Variants in CSMD1 observed in about 807,000 individuals in gnomAD.
CSMD1 encodes the protein CUB and sushi domain-containing protein 1.
CSMD1 carries 213 observed loss-of-function variants against 417.5 expected under a neutral mutation model. The observed-to-expected ratio is 0.51, with a 90% CI of 0.46 to 0.57. The LOEUF (loss-of-function observed/expected upper bound fraction) is 0.57. CSMD1 is among the 20% of genes least tolerant of loss of function. CSMD1 has a pLI of 0.00. For synonymous variants in CSMD1, 2,862 were observed against 1,736.8 expected (o/e 1.65, Z -16.11); for missense variants, 6,923 against 4,529.7 (o/e 1.53, Z -15.17).
chr8:2,962,484 T>C lies in CSMD1; in HGVS notation c.9610A>G (p.Ile3204Val). The C allele has an allele frequency of 1.2e-6, 2 of 1,613,904 alleles. No individual in the cohort carries two copies. The change falls in exon 61 of 70, where the codon ATA becomes GTA. Residue 3204 changes from isoleucine (I) to valine (V), a missense_variant. Physicochemically the swap from Ile to Val is conservative, Grantham distance 29. Coordinates refer to ENST00000635120, the MANE Select transcript of CSMD1 (RefSeq NM_033225.6). Reference protein sequence around the residue: ...VCQADGTWSGIQPTCIDPAHN... With the variant: ...VCQADGTWSGVQPTCIDPAHN... The stretch of plus-strand genomic sequence containing the variant: ...TTATTACCAATGCAGGTGGGTTGTA[T>C]GCCGCTCCACGTGCCGTCAGCTTGG...
chr8:4,079,877 C>G (rs1390189402), intron 3 of CSMD1, among the ~76,000 whole-genome samples: 2 of 152,152 alleles, frequency 1.3e-5, no homozygotes, highest in African/African-American at 4.8e-5. Context: ...ATACCATCTT[C>G]ATAGGCTGGG....
intron 5 of CSMD1, among the ~76,000 whole-genome samples, chr8:3,831,461 T>C (rs1016003171): frequency 2.0e-5 from 3 of 152,162 alleles, no homozygotes; most frequent in Non-Finnish European, 2.9e-5. Flanking sequence ...GGAGATTCCT[T>C]ATAAACATGA....
At chr8:4,957,885 T>C (rs934466958) in intron 1 of CSMD1, among the ~76,000 whole-genome samples, 3 of 152,210 alleles carry the variant, frequency 2.0e-5, no homozygotes, top group Non-Finnish European at 4.4e-5. Flanking sequence ...TATGGAAGTG[T>C]GGATTGATAA....
rs375564988 is a variant in CSMD1 at position 4,974,850 on chromosome 8, C to A, written c.85+19482G>T. 9.2e-5 allele frequency among the ~76,000 whole-genome samples: 14 copies of A among 152,218 alleles called. No homozygotes were observed. The South Asian group carries it at 2.7e-3, about 29-fold the overall frequency. Reference sequence around the variant, plus strand: ...CCCAATGATGATGTATGTTATTAAGCATTATAACTATGTTGCAACTGTATC... The same window carrying A: ...CCCAATGATGATGTATGTTATTAAGAATTATAACTATGTTGCAACTGTATC... On this transcript the variant is annotated intron_variant, in intron 1 of 69. Transcript: ENST00000635120.
chr8:3,987,187 AC>A (rs1814396759), intron 5 of CSMD1, among the ~76,000 whole-genome samples: 1 of 152,126 alleles, frequency 6.6e-6, no homozygotes, highest in Non-Finnish European at 1.5e-5. Context: ...TACACTTCTT[AC>A]TTTACACACA....
chr8:4,815,688 C>A (rs1424387595), intron 1 of CSMD1, among the ~76,000 whole-genome samples: 1 of 90,442 alleles, frequency 1.1e-5, no homozygotes, highest in Non-Finnish European at 2.0e-5. Context: ...AAGACCAAAG[C>A]TGTCTCAAAA....
At chr8:4,800,194 G>A (rs1035552511) in intron 1 of CSMD1, among the ~76,000 whole-genome samples, 8 of 152,166 alleles carry the variant, frequency 5.3e-5, no homozygotes, top group East Asian at 1.9e-4. Flanking sequence ...ACCCCAGCAC[G>A]TTGGGAAGCC....
At chr8:4,146,302 C>G (rs1804118086) in intron 3 of CSMD1, among the ~76,000 whole-genome samples, 1 of 150,958 alleles carries the variant, frequency 6.6e-6, no homozygotes, top group Non-Finnish European at 1.5e-5. Context: ...GTGCCATAGC[C>G]TCTGCTTGGT....
At chr8:3,296,911 T>G (rs956417405) in intron 25 of CSMD1, among the ~76,000 whole-genome samples, 1 of 152,132 alleles carries the variant, frequency 6.6e-6, no homozygotes, top group Non-Finnish European at 1.5e-5. Flanking sequence ...GCTGTTCACG[T>G]AAGTTGGAGT....
intron 3 of CSMD1, among the ~76,000 whole-genome samples, chr8:4,273,497 G>C (rs1237219801): frequency 6.6e-6 from 1 of 152,114 alleles, no homozygotes; most frequent in Non-Finnish European, 1.5e-5. Flanking sequence ...TATTTTGAGA[G>C]TTAAGTAGCA....
At chr8:3,674,840 T>A (rs1033435344) in intron 7 of CSMD1, among the ~76,000 whole-genome samples, 2 of 152,168 alleles carry the variant, frequency 1.3e-5, no homozygotes, top group African/African-American at 4.8e-5. Context: ...CAGGGCACTT[T>A]GCAGTAAAGA....
chr8:4,402,417 G>A (rs917634143), intron 3 of CSMD1, among the ~76,000 whole-genome samples: 9 of 151,932 alleles, frequency 5.9e-5, no homozygotes, highest in South Asian at 2.1e-4. Context: ...TTACTGCTGC[G>A]TTCCTGCAGC....
chr8:4,373,611 A>T (rs1168872965), intron 3 of CSMD1, among the ~76,000 whole-genome samples: 1 of 152,226 alleles, frequency 6.6e-6, no homozygotes, highest in Non-Finnish European at 1.5e-5. Context: ...ATGGTGATTC[A>T]TGAACATAAC....
chr8:4,846,457 C>T (rs1218444235), intron 1 of CSMD1, among the ~76,000 whole-genome samples: 2 of 151,982 alleles, frequency 1.3e-5, no homozygotes, highest in Non-Finnish European at 2.9e-5. Context: ...CAGCACGGCT[C>T]TCTGTCTTGG....
chr8:3,472,264 T>A (rs980212965), intron 11 of CSMD1, among the ~76,000 whole-genome samples: 2 of 152,128 alleles, frequency 1.3e-5, no homozygotes, highest in African/African-American at 4.8e-5. Flanking sequence ...CTACTCTTTA[T>A]CATAACAAAC....
chr8:3,544,474 A>G (rs1798573254), intron 10 of CSMD1, among the ~76,000 whole-genome samples: 2 of 152,086 alleles, frequency 1.3e-5, no homozygotes, highest in South Asian at 4.2e-4. Flanking sequence ...TCCATGGAGT[A>G]GCTTGCTCTT....
chr8:4,299,605 T>C (rs1046160435), intron 3 of CSMD1, among the ~76,000 whole-genome samples: 11 of 152,168 alleles, frequency 7.2e-5, no homozygotes, highest in South Asian at 2.1e-4. Context: ...TTGGCCAATA[T>C]TTTTGTATCA....
chr8:3,889,060 T>C (rs557087650), intron 5 of CSMD1, among the ~76,000 whole-genome samples: 1 of 152,250 alleles, frequency 6.6e-6, no homozygotes, highest in South Asian at 2.1e-4. Flanking sequence ...GAGCTTAATA[T>C]GTTAACTATC....
At chr8:4,060,735 G>A (rs934423434) in intron 3 of CSMD1, among the ~76,000 whole-genome samples, 11 of 152,148 alleles carry the variant, frequency 7.2e-5, no homozygotes, top group Admixed American at 1.3e-4. Flanking sequence ...TGTGCTCAAA[G>A]CATCACAGCT....
Sources: gnomAD v4.1 joint callset for allele counts (sites outside exome capture counted in the v4.1 genomes callset) on GRCh38, gnomAD v4.1.1 for gene constraint, MANE v1.5 for transcripts, NCBI Gene and HGNC (gene_info 2026-07-23, HGNC 2026-07-21) for gene names.